UGDH: variants seen among roughly 807,000 people sequenced by gnomAD.
UGDH encodes UDP-glucose 6-dehydrogenase, also known as UDP-Glc dehydrogenase.
UGDH carries 38 observed loss-of-function variants against 50.6 expected under a neutral mutation model. The observed-to-expected ratio is 0.75, with a 90% CI of 0.58 to 0.98. The LOEUF is 0.98. Among genes scored for constraint, UGDH ranks in the 50% least tolerant of loss-of-function variants. The pLI is 0.00. For synonymous variants in UGDH, 168 were observed against 199.9 expected (o/e 0.84, Z 1.35); for missense variants, 465 against 606.2 (o/e 0.77, Z 2.45).
At chr4:39,504,304 T>A in intron 10 of UGDH, 113 bp downstream of exon 10, 3 of 910,408 alleles carry the variant, frequency 3.3e-6, no homozygotes, top group Admixed American at 2.5e-5. Context: ...CGAGACTCCA[T>A]CTCAAAAAAA....
At chr4:39,525,400 G>A (rs1746834749) in intron 1 of UGDH, among the ~76,000 whole-genome samples, 1 of 152,016 alleles carries the variant, frequency 6.6e-6, no homozygotes, top group Admixed American at 6.6e-5. Flanking sequence ...CACCATATTG[G>A]TCAGGCTGGT....
chr4:39,503,019 C>T (rs138140836), intron 11 of UGDH, among the ~76,000 whole-genome samples: 2,246 of 152,266 alleles, frequency 0.015, 58 homozygotes, highest in African/African-American at 0.052. Context: ...CAGGTTTAAG[C>T]GATTCTCCTG....
chr4:39,527,254 G>A (rs367673519), intron 1 of UGDH, 29 bp downstream of exon 1: 1 of 606,454 alleles, frequency 1.6e-6, no homozygotes. Flanking sequence ...CCGCCCGGGC[G>A]GCGGGGCCAG....
chr4:39,506,232 T>TAAAAAAAA (rs1560687103), intron 7 of UGDH, among the ~76,000 whole-genome samples: 2 of 30,406 alleles, frequency 6.6e-5, no homozygotes, highest in African/African-American at 3.6e-4. Flanking sequence ...TGCCGTAAAT[T>TAAAAAAAA]TAAAAAAAAA....
At chr4:39,504,316 A>G in intron 10 of UGDH, 101 bp downstream of exon 10, 1 of 1,119,068 alleles carries the variant, frequency 8.9e-7, no homozygotes, top group East Asian at 2.5e-5. Context: ...TCAAAAAAAA[A>G]AACAAAAAAA....
chr4:39,517,615 T>C (rs1578277570), intron 2 of UGDH, among the ~76,000 whole-genome samples: 1 of 152,222 alleles, frequency 6.6e-6, no homozygotes, highest in Admixed American at 6.5e-5. Flanking sequence ...TAGAATCTAC[T>C]ATTTTCTCAG....
At chr4:39,517,765 T>C (rs973980532) in intron 2 of UGDH, among the ~76,000 whole-genome samples, 1 of 152,178 alleles carries the variant, frequency 6.6e-6, no homozygotes, top group Admixed American at 6.5e-5. Flanking sequence ...TTTTGAAACT[T>C]ACGCAAATGG....
chr4:39,513,809 A>G (rs1012904489), intron 3 of UGDH, among the ~76,000 whole-genome samples: 1 of 152,312 alleles, frequency 6.6e-6, no homozygotes, highest in Non-Finnish European at 1.5e-5. Flanking sequence ...TGCTGGGATT[A>G]CAGGCGTGAG....
intron 2 of UGDH, among the ~76,000 whole-genome samples, chr4:39,515,511 C>T (rs1746407873): frequency 6.7e-6 from 1 of 149,194 alleles, no homozygotes; most frequent in African/African-American, 2.4e-5. Flanking sequence ...AAAAAAAAAT[C>T]CCAGTTTAAC....
rs74797646 is a variant in UGDH at position 39,507,112 on chromosome 4, G to A, written c.907-1364C>T. Among the ~76,000 whole-genome samples, 806 of 152,244 alleles carry A rather than the reference G, an allele frequency of 5.3e-3. 6 individuals carry two copies. Among genetic ancestry groups the A allele is most frequent in the African/African-American group, 0.016 (651 of 41,540 alleles). On this transcript the variant is annotated intron_variant, in intron 7 of 11. Transcript: ENST00000316423. ...AATATTTGGGAAAGGCACATATACCGACTAGTAATTGGGGCAAATTACTTA... is the reference window on the plus strand; with the variant it reads ...AATATTTGGGAAAGGCACATATACCAACTAGTAATTGGGGCAAATTACTTA...
intron 3 of UGDH, among the ~76,000 whole-genome samples, chr4:39,513,085 A>T (rs1246008528): frequency 6.6e-6 from 1 of 152,072 alleles, no homozygotes; most frequent in African/African-American, 2.4e-5. Flanking sequence ...TGGGATTACA[A>T]GCATGAGCCA....
At chr4:39,504,343 T>C (rs1745945690) in intron 10 of UGDH, 74 bp downstream of exon 10, 1 of 1,366,808 alleles carries the variant, frequency 7.3e-7, no homozygotes, top group Non-Finnish European at 1.0e-6. Context: ...AACACATACA[T>C]GAACACATAC....
chr4:39,505,177 CA>C (rs2109920472), intron 9 of UGDH, 59 bp downstream of exon 9: 1 of 1,539,488 alleles, frequency 6.5e-7, no homozygotes, highest in African/African-American at 1.4e-5. Flanking sequence ...CTAAGGTTTC[CA>C]AAAGATAAAA....
At chr4:39,521,845 T>A (rs1035704468) in intron 1 of UGDH, among the ~76,000 whole-genome samples, 1 of 152,230 alleles carries the variant, frequency 6.6e-6, no homozygotes, top group Non-Finnish European at 1.5e-5. Flanking sequence ...AGGTCTATAA[T>A]ACACTAGGAC....
chr4:39,524,206 C>G (rs955107742), intron 1 of UGDH, among the ~76,000 whole-genome samples: 2 of 152,160 alleles, frequency 1.3e-5, no homozygotes, highest in African/African-American at 2.4e-5. Context: ...TAATCTCAAC[C>G]AGGACAGGTT....
intron 2 of UGDH, among the ~76,000 whole-genome samples, chr4:39,520,957 C>T (rs1746629389): frequency 6.6e-6 from 1 of 151,158 alleles, no homozygotes; most frequent in African/African-American, 2.4e-5. Context: ...CCTGTAATCC[C>T]AGCTACTCAA....
intron 2 of UGDH, among the ~76,000 whole-genome samples, chr4:39,515,324 A>G (rs989138321): frequency 1.4e-4 from 22 of 152,328 alleles, no homozygotes; most frequent in Non-Finnish European, 2.2e-4. Context: ...TTTCAAGCAA[A>G]TATATGATTT....
intron 2 of UGDH, among the ~76,000 whole-genome samples, chr4:39,515,006 T>A (rs1452103617): frequency 6.6e-6 from 1 of 152,056 alleles, no homozygotes; most frequent in Non-Finnish European, 1.5e-5. Flanking sequence ...ATACAGGGTT[T>A]CGCTCTGTTC....
rs1746780546 is a variant in UGDH at position 39,524,080 on chromosome 4, C to A, written c.-7-2561G>T. Among the ~76,000 whole-genome samples the A allele has an allele frequency of 2.0e-5, 3 of 152,072 alleles. 1 individual carries two copies. Among genetic ancestry groups the A allele is most frequent in the East Asian group, 3.8e-4 (2 of 5,200 alleles). ...CCTGGCTTTTTTCACTTAATTAAAC[C>A]CAGTATATCTAGAATACCTAAAGAG... On this transcript the variant is annotated intron_variant, in intron 1 of 11. Transcript: ENST00000316423.
Sources: gnomAD v4.1 joint callset for allele counts (sites outside exome capture counted in the v4.1 genomes callset) on GRCh38, gnomAD v4.1.1 for gene constraint, MANE v1.5 for transcripts, NCBI Gene and HGNC (gene_info 2026-07-23, HGNC 2026-07-21) for gene names.